The following NTMT1 variants were observed in gnomAD, a reference collection of about 807,000 sequenced individuals.
NTMT1 encodes N-terminal Xaa-Pro-Lys N-methyltransferase 1, also known as N-terminal RCC1 methyltransferase.
In NTMT1, 8 loss-of-function variants were observed where a neutral mutation model predicts 17.5. That is an observed-to-expected ratio of 0.46 (90% confidence interval 0.27 to 0.82). The LOEUF is 0.82. Ranked by LOEUF, NTMT1 falls within the 40% of genes least tolerant of loss-of-function variation. The probability of loss-of-function intolerance (pLI) is 0.15; values close to 1 mark genes in which losing one functional copy is unlikely to be tolerated. For synonymous variants in NTMT1, 128 were observed against 126.8 expected, an observed-to-expected ratio of 1.01 and a Z score of -0.06; for missense variants, 221 against 303.5, an observed-to-expected ratio of 0.73 and a Z score of 2.02.
In NTMT1 at chr9:129,635,446, T is replaced by C. The variant is rs772438141; in HGVS notation, c.654T>C (p.Tyr218=). The change falls in exon 4 of 4, where the codon TAT becomes TAC. Residue 218 remains tyrosine, a synonymous_variant. Transcript: ENST00000372483. The part of the protein sequence containing the change: ...ENLPDEIYHV[Y]SFALR ...TCCCCGATGAGATCTACCATGTCTA[T>C]AGCTTTGCCCTGAGATGAGCCGGGG... The C allele has an allele frequency of 6.8e-6, 11 of 1,612,604 alleles. No homozygotes were observed. The highest frequency in any genetic ancestry group is 4.5e-5 in the East Asian group (2 of 44,852).
intron 1 of NTMT1, among the ~76,000 whole-genome samples, chr9:129,629,265 G>A (rs1831030444): frequency 6.6e-6 from 1 of 152,184 alleles, no homozygotes; most frequent in South Asian, 2.1e-4. Context: ...TACGCCATCA[G>A]ACCATAGCAG....
At chr9:129,619,878 T>G (rs751900677) in intron 1 of NTMT1, 1 of 1,594,450 alleles carries the variant, frequency 6.3e-7, no homozygotes. Flanking sequence ...GGGACGGTCC[T>G]TTCTAGTCAT....
In NTMT1 at chr9:129,620,312, C is replaced by A; in HGVS notation, c.-55+11134C>A. ...CAGCCCCCGCTTCCGCACGGCCCGCCGGGTCGCGGTGAGCAAGGCGGGCAG... is the reference window on the plus strand; with the variant it reads ...CAGCCCCCGCTTCCGCACGGCCCGCAGGGTCGCGGTGAGCAAGGCGGGCAG... On this transcript the variant is annotated intron_variant, in intron 1 of 3. Transcript: ENST00000372486. This position sits in a 1 kb window ranked among gnomAD's most constrained non-coding sequence, Gnocchi z 5.8. The A allele has an allele frequency of 8.0e-7, 1 of 1,243,076 alleles. No homozygotes were observed. Among genetic ancestry groups the A allele is most frequent in the Non-Finnish European group, 1.0e-6 (1 of 991,404 alleles). The allele number at this position is 1,243,076 out of a possible 1,614,324, so 77.0% of individuals were successfully genotyped here. A position where few individuals can be genotyped will look rare whatever the true frequency, so the allele number is the denominator to read the frequency against.
At chr9:129,633,924 T>C (rs1831345337) in intron 2 of NTMT1, 130 bp from the exon 3 acceptor site, 1 of 1,068,488 alleles carries the variant, frequency 9.4e-7, no homozygotes, top group East Asian at 2.6e-5. Flanking sequence ...AGCACAGACC[T>C]CCCCACCAGT....
chr9:129,623,427 C>T (rs1007100407), upstream of NTMT1, among the ~76,000 whole-genome samples: 1 of 152,200 alleles, frequency 6.6e-6, no homozygotes, highest in Middle Eastern at 3.4e-3. Flanking sequence ...CTGTGTGATC[C>T]TGGAGAAGTG....
At chr9:129,623,344 A>AG (rs779034168), upstream of NTMT1, among the ~76,000 whole-genome samples, 520 of 109,126 alleles carry the variant, frequency 4.8e-3, 2 homozygotes, top group South Asian at 0.035. Context: ...AAAAAAAAAA[A>AG]AGAAGGAAGG....
upstream of NTMT1, among the ~76,000 whole-genome samples, chr9:129,623,831 T>TC (rs1425875029): frequency 3.6e-4 from 52 of 145,416 alleles, 2 homozygotes; most frequent in African/African-American, 1.3e-3. Flanking sequence ...TTCTTTTCTT[T>TC]TTTTTTTTTT....
chr9:129,634,956 G>A (rs1391085049), intron 3 of NTMT1: 4 of 518,716 alleles, frequency 7.7e-6, no homozygotes, highest in South Asian at 7.1e-5. Flanking sequence ...TATCAGGCAG[G>A]ACTTGTAAGC....
chr9:129,611,459 C>T (rs563487771), intron 1 of NTMT1, among the ~76,000 whole-genome samples: 1 of 152,344 alleles, frequency 6.6e-6, no homozygotes, highest in South Asian at 2.1e-4. Context: ...AGGAGAGAAA[C>T]CGTGGGCCCC....
chr9:129,631,087 A>G (rs1276645344), intron 1 of NTMT1, among the ~76,000 whole-genome samples: 1 of 151,958 alleles, frequency 6.6e-6, no homozygotes, highest in African/African-American at 2.4e-5. Context: ...ATGCTGTCCC[A>G]CGGCTGCTCC....
Position 129,620,243 on chromosome 9 carries a change from G to A in NTMT1, c.-55+11065G>A. 1 of 1,341,810 alleles carries A rather than the reference G, an allele frequency of 7.5e-7. No homozygotes were observed. Among genetic ancestry groups the A allele is most frequent in the Non-Finnish European group, 9.6e-7 (1 of 1,040,604 alleles). The allele number at this position is 1,341,810 out of a possible 1,614,324, so 83.1% of individuals were successfully genotyped here. A position where few individuals can be genotyped will look rare whatever the true frequency, so the allele number is the denominator to read the frequency against. Reference sequence around the variant, plus strand: ...TGGCTGCCTGGGCGCCGATTCCCGGGACGCGCCGGCCGACAGCAGGGGAGG... The same window carrying A: ...TGGCTGCCTGGGCGCCGATTCCCGGAACGCGCCGGCCGACAGCAGGGGAGG... On this transcript the variant is annotated intron_variant, in intron 1 of 3. Transcript: ENST00000372486. The surrounding 1 kb of genome is among the most constrained non-coding windows in gnomAD (Gnocchi z 5.8).
At chr9:129,624,342 G>A (rs1380236769), upstream of NTMT1, among the ~76,000 whole-genome samples, 1 of 152,156 alleles carries the variant, frequency 6.6e-6, no homozygotes, top group African/African-American at 2.4e-5. Context: ...CCTGGCGGAG[G>A]ATTCCGGACA....
At chr9:129,622,857 G>A (rs565367940), upstream of NTMT1, among the ~76,000 whole-genome samples, 13 of 152,116 alleles carry the variant, frequency 8.5e-5, no homozygotes, top group Admixed American at 2.0e-4. Context: ...GTGAAACCCC[G>A]TCTCTACTAA....
chr9:129,631,417 C>G (rs1219656873), intron 1 of NTMT1, among the ~76,000 whole-genome samples: 1 of 152,322 alleles, frequency 6.6e-6, no homozygotes, highest in East Asian at 1.9e-4. Flanking sequence ...CCGTGGAGCA[C>G]GGAGCCGCCC....
intron 1 of NTMT1, among the ~76,000 whole-genome samples, chr9:129,629,917 TAGTA>T (rs72044645): frequency 0.014 from 2,193 of 152,126 alleles, 63 homozygotes; most frequent in African/African-American, 0.049. Context: ...CTGGGCCACA[TAGTA>T]AGACCCCATC....
chr9:129,624,866 GA>G (rs1158937169), upstream of NTMT1, among the ~76,000 whole-genome samples: 1 of 152,224 alleles, frequency 6.6e-6, no homozygotes, highest in Non-Finnish European at 1.5e-5. Flanking sequence ...GACCTCAGGT[GA>G]TCCGCCTGCC....
chr9:129,630,202 G>A (rs989166519), intron 1 of NTMT1, among the ~76,000 whole-genome samples: 1 of 152,210 alleles, frequency 6.6e-6, no homozygotes, highest in Non-Finnish European at 1.5e-5. Context: ...GCTGGGTGCA[G>A]TGGTTTCTGC....
Position 129,614,636 on chromosome 9 carries a change from G to A in NTMT1, c.-55+5458G>A, listed in dbSNP as rs1830260992. On this transcript the variant is annotated intron_variant, in intron 1 of 3. Coordinates refer to the NTMT1 transcript ENST00000372486. The surrounding 1 kb of genome is among the most constrained non-coding windows in gnomAD (Gnocchi z 4.4). ...TCACTGGGAATGGCCAGGCGCGGTG[G>A]CTCATGCCTGTAATCCCAGCACTTT... Among the ~76,000 whole-genome samples, 2 of 152,202 alleles carry A rather than the reference G, an allele frequency of 1.3e-5. No individual in the cohort carries two copies. Among genetic ancestry groups the A allele is most frequent in the African/African-American group, 4.8e-5 (2 of 41,452 alleles).
Position 129,620,646 on chromosome 9 carries a change from G to GCATAGTCCAGCCCCAGGC in NTMT1, c.-55+11475_-55+11492dup. ...GGGGGCGCCGGCTGAGGTGGGGAGG[G>GCATAGTCCAGCCCCAGGC]CATAGTCCAGCCCCAGGCCATAGTG... On this transcript the variant is annotated intron_variant, in intron 1 of 3. Coordinates refer to the NTMT1 transcript ENST00000372486. This position sits in a 1 kb window ranked among gnomAD's most constrained non-coding sequence, Gnocchi z 5.8. The GCATAGTCCAGCCCCAGGC allele has an allele frequency of 8.1e-7, 1 of 1,239,200 alleles. No individual in the cohort carries two copies. The highest frequency in any genetic ancestry group is 1.0e-6 in the Non-Finnish European group (1 of 983,848). The allele number at this position is 1,239,200 out of a possible 1,614,324, so 76.8% of individuals were successfully genotyped here. A position where few individuals can be genotyped will look rare whatever the true frequency, so the allele number is the denominator to read the frequency against.
Sources: gnomAD v4.1 joint callset for allele counts (sites outside exome capture counted in the v4.1 genomes callset) on GRCh38, gnomAD v4.1.1 for gene constraint, Gnocchi (gnomAD v3.1) non-coding constraint, MANE v1.5 for transcripts, NCBI Gene and HGNC (gene_info 2026-07-23, HGNC 2026-07-21) for gene names.